The following XPO1 variants were observed in gnomAD, a reference collection of about 807,000 sequenced individuals.
XPO1 encodes exportin 1, also known as exportin-1.
XPO1 carries 5 observed loss-of-function variants against 133.3 expected under a neutral mutation model. That is an observed-to-expected ratio of 0.04 (90% confidence interval 0.02 to 0.08). The LOEUF (loss-of-function observed/expected upper bound fraction) is 0.08. XPO1 is among the 10% of genes least tolerant of loss of function. The pLI, the probability that XPO1 is intolerant of heterozygous loss-of-function variation, is 1.00. For missense variants in XPO1, 506 were observed against 1,267.5 expected (o/e 0.40, Z 9.12); for synonymous variants, 419 against 408.2 (o/e 1.03, Z -0.32).
intron 2 of XPO1, among the ~76,000 whole-genome samples, chr2:61,527,172 T>C (rs549219311): frequency 2.6e-5 from 4 of 151,964 alleles, no homozygotes; most frequent in South Asian, 2.1e-4. Flanking sequence ...AAAAACAATA[T>C]AAAAATTCTT....
Position 61,508,583 on chromosome 2 carries a change from T to C in XPO1, c.302-6273A>G, listed in dbSNP as rs1311394152. Among the ~76,000 whole-genome samples the C allele has an allele frequency of 2.0e-5, 3 of 152,200 alleles. No homozygotes were observed. The East Asian group carries it at 5.8e-4, about 29-fold the overall frequency. Reference sequence around the variant, plus strand: ...AAGGTACACACCATCTGCCAAATTCTTTACACAGCAATAATAATCTTATCC... The same window carrying C: ...AAGGTACACACCATCTGCCAAATTCCTTACACAGCAATAATAATCTTATCC... On this transcript the variant is annotated intron_variant, in intron 4 of 24. Coordinates refer to ENST00000401558, the MANE Select transcript of XPO1 (RefSeq NM_003400.4).
intron 4 of XPO1, among the ~76,000 whole-genome samples, chr2:61,520,501 AT>A (rs1477036378): frequency 6.6e-6 from 1 of 151,596 alleles, no homozygotes; most frequent in African/African-American, 2.4e-5. Flanking sequence ...AAAAAAAAAA[AT>A]TTAGTAGGGC....
intron 3 of XPO1, among the ~76,000 whole-genome samples, chr2:61,523,806 G>GT (rs368479289): frequency 1.7e-4 from 26 of 152,136 alleles, no homozygotes; most frequent in African/African-American, 6.3e-4. Flanking sequence ...AACAGTGAAT[G>GT]TTTTTGCTGT....
chr2:61,478,713 G>C lies in XPO1; in HGVS notation c.*107C>G, dbSNP rs1558621721. ...AACACATAAGAAAAAGGGCCACTAG[G>C]TGACATTTTAATTTACAAATTGGCA... On this transcript the variant is annotated 3_prime_UTR_variant, in exon 25 of 25. Coordinates refer to ENST00000401558, the MANE Select transcript of XPO1 (RefSeq NM_003400.4). The C allele has an allele frequency of 8.4e-7, 1 of 1,189,254 alleles. No individual in the cohort carries two copies. The allele number at this position is 1,189,254 out of a possible 1,614,324, so 73.7% of individuals were successfully genotyped here.
intron 20 of XPO1, chr2:61,484,991 G>A (rs954953227): frequency 4.6e-5 from 7 of 151,996 alleles, no homozygotes; most frequent in South Asian, 2.1e-4. Flanking sequence ...GTGATCCACC[G>A]GCCTCGGCCT....
In XPO1 at chr2:61,537,994, C is replaced by A; in HGVS notation, c.-439G>T. 6.2e-6 allele frequency: 1 copy of A among 160,306 alleles called. No homozygotes were observed. Among genetic ancestry groups the A allele is most frequent in the South Asian group, 1.8e-4 (1 of 5,624 alleles). 9.9% of individuals were successfully genotyped at this position (160,306 alleles called of 1,614,324 possible). ...CTCTGCTGCCAGTTGCAGTCCGACT[C>A]CCCCCTACCAAAACACGGCTCCCTC... On this transcript the variant is annotated 5_prime_UTR_variant, in exon 1 of 25. Transcript: ENST00000401558.
At chr2:61,528,424 G>C (rs1383725540) in intron 2 of XPO1, among the ~76,000 whole-genome samples, 1 of 152,012 alleles carries the variant, frequency 6.6e-6, no homozygotes, top group South Asian at 2.1e-4. Flanking sequence ...CACAAGGTCA[G>C]GAGTTCAAGA....
chr2:61,518,271 A>G (rs1698495767), intron 4 of XPO1, among the ~76,000 whole-genome samples: 1 of 151,670 alleles, frequency 6.6e-6, no homozygotes, highest in African/African-American at 2.4e-5. Context: ...ACAAAGAAAA[A>G]GCCAGGCGCG....
At chr2:61,487,361 T>G (rs1696745641) in intron 19 of XPO1, among the ~76,000 whole-genome samples, 1 of 152,252 alleles carries the variant, frequency 6.6e-6, no homozygotes, top group South Asian at 2.1e-4. Context: ...TTTCAAATTT[T>G]AAATACAGTT....
chr2:61,508,717 G>C (rs1205769696), intron 4 of XPO1, among the ~76,000 whole-genome samples: 1 of 152,076 alleles, frequency 6.6e-6, no homozygotes. Flanking sequence ...TTAAAATATT[G>C]AGAACAAATT....
At chr2:61,502,150 A>T in intron 5 of XPO1, 99 bp downstream of exon 5, 1 of 1,516,852 alleles carries the variant, frequency 6.6e-7, no homozygotes, top group South Asian at 1.2e-5. Context: ...CTGACTGTGC[A>T]TATGTGTGAC....
At chr2:61,489,584 T>C (rs555229184) in intron 17 of XPO1, among the ~76,000 whole-genome samples, 1 of 151,250 alleles carries the variant, frequency 6.6e-6, no homozygotes, top group Non-Finnish European at 1.5e-5. Flanking sequence ...GGACGGAGTC[T>C]CGTTCTGTTG....
chr2:61,486,185 CTT>C (rs199965674), intron 19 of XPO1, among the ~76,000 whole-genome samples: 5 of 146,968 alleles, frequency 3.4e-5, no homozygotes, highest in African/African-American at 9.9e-5. Context: ...TCATTCAAGA[CTT>C]TTTTTTTTTG....
chr2:61,497,091 CT>C (rs1335800348), intron 9 of XPO1, 84 bp from the exon 10 acceptor site: 13 of 1,491,232 alleles, frequency 8.7e-6, no homozygotes, highest in Middle Eastern at 1.8e-4. Context: ...AGGAAAAAGG[CT>C]TTAACAATTA....
chr2:61,496,125 A>T (rs1477609532), intron 10 of XPO1, among the ~76,000 whole-genome samples: 1 of 152,182 alleles, frequency 6.6e-6, no homozygotes, highest in Admixed American at 6.6e-5. Flanking sequence ...CAGCCTTTAA[A>T]TTTTTCTAGT....
chr2:61,524,022 T>C (rs937243704), intron 3 of XPO1, among the ~76,000 whole-genome samples: 1 of 152,224 alleles, frequency 6.6e-6, no homozygotes, highest in Non-Finnish European at 1.5e-5. Context: ...TTTAAAAACA[T>C]ATCTATTTAT....
chr2:61,488,850 CCAG>C, intron 17 of XPO1, 79 bp from the exon 18 acceptor site: 1 of 1,507,192 alleles, frequency 6.6e-7, no homozygotes, highest in South Asian at 1.2e-5. Flanking sequence ...GCCTGTAATC[CCAG>C]CACTCTGAGA....
At chr2:61,501,733 AAAAAG>A (rs1417512790) in intron 6 of XPO1, among the ~76,000 whole-genome samples, 1 of 137,722 alleles carries the variant, frequency 7.3e-6, no homozygotes, top group Non-Finnish European at 1.5e-5. Context: ...AAAAAAAAAA[AAAAAG>A]AAAAGAAAAG....
At chr2:61,513,659 T>C (rs1347576048) in intron 4 of XPO1, among the ~76,000 whole-genome samples, 1 of 151,986 alleles carries the variant, frequency 6.6e-6, no homozygotes, top group African/African-American at 2.4e-5. Flanking sequence ...GACCTTTGCA[T>C]GACAAAGATT....
Sources: allele counts gnomAD v4.1 joint callset (sites outside exome capture counted in the v4.1 genomes callset), GRCh38; gene constraint gnomAD v4.1.1; transcripts MANE v1.5; gene names NCBI Gene and HGNC (gene_info 2026-07-23, HGNC 2026-07-21).